PSPC1: variants seen among roughly 807,000 people sequenced by gnomAD.
The protein encoded by PSPC1 is paraspeckle protein 1.
In PSPC1, 14 loss-of-function variants were observed where a neutral mutation model predicts 51.6. That is an observed-to-expected ratio of 0.27 (90% CI 0.18 to 0.42). The LOEUF is 0.42. PSPC1 is among the 10% of genes least tolerant of loss of function. PSPC1 has a pLI of 1.00. For synonymous variants in PSPC1, 193 were observed against 231.9 expected (o/e 0.83, Z 1.53); for missense variants, 406 against 701.1 (o/e 0.58, Z 4.75).
chr13:19,690,963 C>G (rs1747167205), intron 6 of PSPC1, among the ~76,000 whole-genome samples: 1 of 152,116 alleles, frequency 6.6e-6, no homozygotes, highest in Admixed American at 6.5e-5. Flanking sequence ...TTTCTTTTGC[C>G]ACTTACTAGA....
chr13:19,753,625 T>C (rs1356242973), intron 3 of PSPC1, among the ~76,000 whole-genome samples: 2 of 152,074 alleles, frequency 1.3e-5, no homozygotes, highest in Admixed American at 1.3e-4. Context: ...TCCCACTCCA[T>C]GAATAAAAGC....
chr13:19,747,409 A>G (rs1353998074), intron 4 of PSPC1, among the ~76,000 whole-genome samples: 1 of 152,128 alleles, frequency 6.6e-6, no homozygotes, highest in African/African-American at 2.4e-5. Context: ...ACAGCTCACT[A>G]CAGCCTCAAG....
At chr13:19,743,556 C>T (rs1374114121) in intron 4 of PSPC1, among the ~76,000 whole-genome samples, 2 of 152,192 alleles carry the variant, frequency 1.3e-5, no homozygotes, top group Non-Finnish European at 2.9e-5. Flanking sequence ...CCAGGCCAAA[C>T]CTCTCCTTAT....
At chr13:19,710,348 T>C (rs945817161) in intron 6 of PSPC1, among the ~76,000 whole-genome samples, 2 of 152,176 alleles carry the variant, frequency 1.3e-5, no homozygotes, top group African/African-American at 4.8e-5. Flanking sequence ...AATAGTGACA[T>C]AGAATTAACT....
chr13:19,719,103 G>A (rs3929804), intron 6 of PSPC1, among the ~76,000 whole-genome samples: 2 of 146,936 alleles, frequency 1.4e-5, no homozygotes. Context: ...AAAGGTAAAC[G>A]ATAGACTTTG....
chr13:19,719,730 T>A (rs1301932615), intron 6 of PSPC1, among the ~76,000 whole-genome samples: 1 of 152,256 alleles, frequency 6.6e-6, no homozygotes, highest in East Asian at 1.9e-4. Context: ...GGCTGTTTTT[T>A]AATACATAGG....
intron 2 of PSPC1, among the ~76,000 whole-genome samples, chr13:19,765,915 ATT>A (rs1043958556): frequency 1.3e-5 from 2 of 152,062 alleles, no homozygotes; most frequent in South Asian, 2.1e-4. Context: ...TTCTTAAAGA[ATT>A]TTTTTTGTCT....
At chr13:19,742,882 G>T (rs550891439) in intron 4 of PSPC1, among the ~76,000 whole-genome samples, 1 of 152,100 alleles carries the variant, frequency 6.6e-6, no homozygotes, top group African/African-American at 2.4e-5. Flanking sequence ...CTCGCAACAC[G>T]ATTAGCATGA....
intron 6 of PSPC1, among the ~76,000 whole-genome samples, chr13:19,725,886 T>A (rs181003474): frequency 1.3e-5 from 2 of 152,306 alleles, no homozygotes; most frequent in Admixed American, 1.3e-4. Flanking sequence ...TATAACCATA[T>A]GCAGTGGTAG....
chr13:19,733,741 T>G (rs1432744277), intron 5 of PSPC1, among the ~76,000 whole-genome samples: 3 of 148,656 alleles, frequency 2.0e-5, no homozygotes, highest in Non-Finnish European at 4.4e-5. Context: ...GCAGCCTGGG[T>G]GACAGAGCAA....
chr13:19,723,231 T>C (rs1882983781), intron 6 of PSPC1, among the ~76,000 whole-genome samples: 1 of 152,134 alleles, frequency 6.6e-6, no homozygotes, highest in Non-Finnish European at 1.5e-5. Context: ...AAAGAAAACA[T>C]GATAATTTTT....
downstream of PSPC1, chr13:19,672,217 TC>T (rs1233825961): frequency 4.7e-6 from 1 of 214,924 alleles, no homozygotes; most frequent in African/African-American, 2.3e-5. Context: ...CGATCTCGGC[TC>T]ACTGCAAGCT....
chr13:19,755,242 AAAAAG>A (rs772810373), intron 3 of PSPC1, among the ~76,000 whole-genome samples: 148 of 152,122 alleles, frequency 9.7e-4, no homozygotes, highest in South Asian at 4.4e-3. Flanking sequence ...TCTCAAAAAA[AAAAAG>A]AAAAGAAAAG....
At chr13:19,721,330 G>A (rs1024269205) in intron 6 of PSPC1, among the ~76,000 whole-genome samples, 1 of 152,108 alleles carries the variant, frequency 6.6e-6, no homozygotes, top group African/African-American at 2.4e-5. Flanking sequence ...CACAAGATAT[G>A]TTTACATTAG....
downstream of PSPC1, chr13:19,672,126 T>C (rs1876164518): frequency 6.9e-6 from 3 of 435,184 alleles, no homozygotes; most frequent in Admixed American, 3.7e-5. Context: ...ATGAGGATTA[T>C]TTAAGAAAAT....
intron 6 of PSPC1, among the ~76,000 whole-genome samples, chr13:19,693,697 AGGG>A: frequency 6.6e-6 from 1 of 152,358 alleles, no homozygotes; most frequent in South Asian, 2.1e-4. Flanking sequence ...ACAAAGTGAA[AGGG>A]GTGTAAAACT....
downstream of PSPC1, among the ~76,000 whole-genome samples, chr13:19,701,660 ACTG>A (rs1394485211): frequency 1.1e-4 from 17 of 152,194 alleles, no homozygotes; most frequent in African/African-American, 3.1e-4. Flanking sequence ...TTTACAACCA[ACTG>A]CTTTTATGCA....
chr13:19,717,681 G>A (rs1178792552), intron 6 of PSPC1, among the ~76,000 whole-genome samples: 2 of 144,598 alleles, frequency 1.4e-5, no homozygotes, highest in Admixed American at 7.3e-5. Flanking sequence ...TCTCTAGCCT[G>A]GGCAACAGAG....
chr13:19,685,655 A>G (rs1877787886), intron 6 of PSPC1, among the ~76,000 whole-genome samples: 1 of 152,218 alleles, frequency 6.6e-6, no homozygotes, highest in Non-Finnish European at 1.5e-5. Context: ...CAGCAAGAGT[A>G]GAGCAAGCAG....
Sources: allele counts gnomAD v4.1 joint callset (sites outside exome capture counted in the v4.1 genomes callset), GRCh38; gene constraint gnomAD v4.1.1; transcripts MANE v1.5; gene names NCBI Gene and HGNC (gene_info 2026-07-23, HGNC 2026-07-21).